KCTD16: variants seen among roughly 807,000 people sequenced by gnomAD.
KCTD16 encodes BTB/POZ domain-containing protein KCTD16.
Under a neutral mutation model 33.2 loss-of-function variants are expected in KCTD16, and 13 were observed. That is an observed-to-expected ratio of 0.39 (90% CI 0.25 to 0.62). The LOEUF (loss-of-function observed/expected upper bound fraction) is 0.62, where lower values mean the gene tolerates loss of function less well. Ranked by LOEUF, KCTD16 falls within the 20% of genes least tolerant of loss-of-function variation. KCTD16 has a pLI of 0.50. For synonymous variants in KCTD16, 197 were observed against 195.3 expected, an observed-to-expected ratio of 1.01 and a Z score of -0.07; for missense variants, 441 against 525.1, an observed-to-expected ratio of 0.84 and a Z score of 1.57.
intron 3 of KCTD16, among the ~76,000 whole-genome samples, chr5:144,275,542 A>C (rs969871548): frequency 6.6e-6 from 1 of 152,164 alleles, no homozygotes; most frequent in Non-Finnish European, 1.5e-5. Context: ...GCAGATCCCC[A>C]TGGCAACAAC....
chr5:144,228,958 C>T (rs994977023), intron 3 of KCTD16, among the ~76,000 whole-genome samples: 1 of 152,092 alleles, frequency 6.6e-6, no homozygotes, highest in Non-Finnish European at 1.5e-5. Flanking sequence ...GAGAGAAGAC[C>T]ATATAAAATA....
chr5:144,187,688 C>T (rs776891050), intron 2 of KCTD16, among the ~76,000 whole-genome samples: 2 of 152,124 alleles, frequency 1.3e-5, no homozygotes, highest in Non-Finnish European at 1.5e-5. Flanking sequence ...AGCAGTTGAT[C>T]TCTGGATTTC....
intron 3 of KCTD16, among the ~76,000 whole-genome samples, chr5:144,405,270 A>G (rs1038652033): frequency 7.9e-5 from 12 of 152,250 alleles, no homozygotes; most frequent in African/African-American, 2.9e-4. Context: ...AAATTCTAGT[A>G]TGAAAATTAC....
intron 3 of KCTD16, among the ~76,000 whole-genome samples, chr5:144,269,989 C>A (rs574710653): frequency 6.6e-6 from 1 of 150,416 alleles, no homozygotes. Flanking sequence ...AGAATATACA[C>A]GAAAAGAAAT....
intron 3 of KCTD16, among the ~76,000 whole-genome samples, chr5:144,251,397 A>G (rs1283141760): frequency 1.3e-5 from 2 of 152,160 alleles, no homozygotes; most frequent in Non-Finnish European, 2.9e-5. Context: ...ACATAGGCTT[A>G]TTTTGAGCAT....
intron 3 of KCTD16, among the ~76,000 whole-genome samples, chr5:144,307,028 G>A (rs1751619231): frequency 6.6e-6 from 1 of 151,998 alleles, no homozygotes; most frequent in South Asian, 2.1e-4. Flanking sequence ...TAGTTTTTTT[G>A]TTGGTTACCC....
chr5:144,235,259 T>A (rs1040086740), intron 3 of KCTD16, among the ~76,000 whole-genome samples: 2 of 152,152 alleles, frequency 1.3e-5, no homozygotes, highest in Admixed American at 6.6e-5. Flanking sequence ...CATTAAAATC[T>A]AATGCCTTTC....
chr5:144,328,849 G>T (rs568065995), intron 3 of KCTD16, among the ~76,000 whole-genome samples: 1 of 146,610 alleles, frequency 6.8e-6, no homozygotes, highest in East Asian at 2.0e-4. Context: ...GAAAGACTTT[G>T]CTGTAGCTTT....
intron 3 of KCTD16, among the ~76,000 whole-genome samples, chr5:144,344,454 A>G (rs1275321167): frequency 6.7e-6 from 1 of 150,096 alleles, no homozygotes; most frequent in Non-Finnish European, 1.5e-5. Flanking sequence ...CAACCTACTC[A>G]TCTGACAAAG....
chr5:144,292,554 G>A (rs1755923633), intron 3 of KCTD16, among the ~76,000 whole-genome samples: 1 of 152,170 alleles, frequency 6.6e-6, no homozygotes, highest in Admixed American at 6.6e-5. Flanking sequence ...GTGGGAAAGA[G>A]AAACTGTTCA....
intron 3 of KCTD16, among the ~76,000 whole-genome samples, chr5:144,403,595 G>A (rs1436121961): frequency 6.6e-6 from 1 of 152,212 alleles, no homozygotes; most frequent in Non-Finnish European, 1.5e-5. Context: ...TGATGCACTG[G>A]TTGTCGATTT....
At chr5:144,324,654 A>G (rs551139748) in intron 3 of KCTD16, among the ~76,000 whole-genome samples, 1 of 152,366 alleles carries the variant, frequency 6.6e-6, no homozygotes, top group South Asian at 2.1e-4. Flanking sequence ...TATTCACAAT[A>G]GCAAAGGCAT....
chr5:144,185,576 C>T (rs564789819), intron 2 of KCTD16, among the ~76,000 whole-genome samples: 1 of 152,250 alleles, frequency 6.6e-6, no homozygotes, highest in South Asian at 2.1e-4. Flanking sequence ...CCAAGTAAGT[C>T]ATGCACCTGT....
intron 3 of KCTD16, among the ~76,000 whole-genome samples, chr5:144,326,886 G>A (rs1272119517): frequency 6.6e-6 from 1 of 152,270 alleles, no homozygotes; most frequent in African/African-American, 2.4e-5. Flanking sequence ...AAGGTTTCCT[G>A]TCCCTATATT....
rs138004799 is a variant in KCTD16 at position 144,445,045 on chromosome 5, G to A, written c.833-28615G>A. On this transcript the variant is annotated intron_variant, in intron 3 of 3. Transcript: ENST00000512467. ...AATTAAATTTTTCTTTTTAGCATTTGTTCTGTTCCCTTGCCTCATTTTTTC... is the reference window on the plus strand; with the variant it reads ...AATTAAATTTTTCTTTTTAGCATTTATTCTGTTCCCTTGCCTCATTTTTTC... 9.4e-3 allele frequency among the ~76,000 whole-genome samples: 1,420 copies of A among 150,940 alleles called. 13 individuals are homozygous for A. The highest frequency in any genetic ancestry group is 0.014 in the Non-Finnish European group (915 of 67,644).
chr5:144,451,324 T>C lies in KCTD16; in HGVS notation c.833-22336T>C, dbSNP rs143107512. On this transcript the variant is annotated intron_variant, in intron 3 of 3. Transcript: ENST00000512467. ...TATTCTCAATCTTATACCTGAGATA[T>C]AAGAGACACCACAGAAGAGATACCA... 2.5e-3 allele frequency among the ~76,000 whole-genome samples: 382 copies of C among 152,208 alleles called. 4 individuals carry two copies. The highest frequency in any genetic ancestry group is 7.7e-3 in the African/African-American group (321 of 41,550).
At chr5:144,402,150 C>T (rs1580934314) in intron 3 of KCTD16, among the ~76,000 whole-genome samples, 3 of 152,168 alleles carry the variant, frequency 2.0e-5, no homozygotes, top group Admixed American at 6.6e-5. Context: ...AAGCCAGAAT[C>T]CCCTTGCATA....
chr5:144,229,668 A>G (rs1754039407), intron 3 of KCTD16, among the ~76,000 whole-genome samples: 1 of 152,178 alleles, frequency 6.6e-6, no homozygotes, highest in African/African-American at 2.4e-5. Flanking sequence ...TGGGATTTGA[A>G]TCTGGTTTGT....
Position 144,277,483 on chromosome 5 carries a change from T to G in KCTD16, c.832+69937T>G, listed in dbSNP as rs185942243. 5.3e-5 allele frequency among the ~76,000 whole-genome samples: 8 copies of G among 152,322 alleles called. No individual in the cohort carries two copies. The East Asian group carries it at 1.5e-3, about 29-fold the overall frequency. ...TTGACTACTAAACTTGGAAAAGAAC[T>G]CAGACCATCTAACAACCTCATATTA... On this transcript the variant is annotated intron_variant, in intron 3 of 3. Coordinates refer to ENST00000512467, the MANE Select transcript of KCTD16 (RefSeq NM_020768.4).
Sources: allele counts gnomAD v4.1 joint callset (sites outside exome capture counted in the v4.1 genomes callset), GRCh38; gene constraint gnomAD v4.1.1; transcripts MANE v1.5; gene names NCBI Gene and HGNC (gene_info 2026-07-23, HGNC 2026-07-21).